The following GPHN variants were observed in gnomAD, a reference collection of about 807,000 sequenced individuals.
GPHN encodes the protein gephyrin.
Under a neutral mutation model 95.5 loss-of-function variants are expected in GPHN, and 17 were observed. The observed-to-expected ratio is 0.18, with a 90% CI of 0.12 to 0.27. The LOEUF is 0.27. Ranked by LOEUF, GPHN falls within the 10% of genes least tolerant of loss-of-function variation. The probability of loss-of-function intolerance (pLI) is 1.00; values close to 1 mark genes in which losing one functional copy is unlikely to be tolerated. For synonymous variants in GPHN, 320 were observed against 322.5 expected (o/e 0.99, Z 0.08); for missense variants, 660 against 978.1 (o/e 0.67, Z 4.34).
At chr14:66,663,801 T>C (rs2065792754) in intron 1 of GPHN, among the ~76,000 whole-genome samples, 1 of 149,920 alleles carries the variant, frequency 6.7e-6, no homozygotes, top group African/African-American at 2.5e-5. Context: ...ACAAAGCAAA[T>C]GGAAAACAGA....
the GPHN span, chr14:67,254,182 C>CTTTTTTTTT: frequency 2.5e-5 from 3 of 118,542 alleles, no homozygotes; most frequent in Non-Finnish European, 5.5e-5. Context: ...AAGTGTCTTT[C>CTTTTTTTTT]TTTTTTTTTT....
chr14:67,637,118 A>G, the GPHN span, among the ~76,000 whole-genome samples: 1 of 152,298 alleles, frequency 6.6e-6, no homozygotes, highest in East Asian at 1.9e-4. Flanking sequence ...TGATAAAGAA[A>G]TAGCTTTAAG....
At chr14:67,639,590 G>T in the GPHN span, among the ~76,000 whole-genome samples, 2 of 152,074 alleles carry the variant, frequency 1.3e-5, no homozygotes, top group East Asian at 3.9e-4. Context: ...TAAACATGGA[G>T]GTGAAAGTAG....
chr14:67,650,559 G>C, the GPHN span: 2 of 549,804 alleles, frequency 3.6e-6, no homozygotes, highest in Non-Finnish European at 3.0e-6. Flanking sequence ...ATGGCCAAGA[G>C]GATGAGGTGC....
At chr14:66,869,214 G>A (rs1158796684) in intron 4 of GPHN, among the ~76,000 whole-genome samples, 1 of 152,148 alleles carries the variant, frequency 6.6e-6, no homozygotes, top group Non-Finnish European at 1.5e-5. Flanking sequence ...ATAATGAACA[G>A]TCTGTTAATA....
chr14:67,364,707 A>T, the GPHN span: 2 of 1,356,946 alleles, frequency 1.5e-6, no homozygotes, highest in Non-Finnish European at 2.0e-6. Context: ...GTGGAAATTG[A>T]TTTTTTTTTT....
intron 4 of GPHN, among the ~76,000 whole-genome samples, chr14:66,853,636 AC>A (rs1368841183): frequency 6.6e-6 from 1 of 152,048 alleles, no homozygotes; most frequent in Non-Finnish European, 1.5e-5. Context: ...TGGGGGAAGC[AC>A]CCCCATGATT....
intron 2 of GPHN, among the ~76,000 whole-genome samples, chr14:66,745,501 A>T (rs1412661671): frequency 6.6e-6 from 1 of 152,116 alleles, no homozygotes; most frequent in Admixed American, 6.5e-5. Context: ...AATATTATTT[A>T]TAGATTTTTT....
At chr14:67,504,793 G>A in the GPHN span, among the ~76,000 whole-genome samples, 2 of 152,258 alleles carry the variant, frequency 1.3e-5, no homozygotes, top group Admixed American at 1.3e-4. Context: ...TCTGAGGCAG[G>A]AGAATCTCTT....
At chr14:67,581,979 T>C in the GPHN span, 7 of 1,300,590 alleles carry the variant, frequency 5.4e-6, no homozygotes, top group Non-Finnish European at 7.4e-6. Context: ...TACTTTATCT[T>C]TTTGGAAATA....
chr14:67,662,946 T>G, the GPHN span: 2 of 1,322,992 alleles, frequency 1.5e-6, no homozygotes, highest in Non-Finnish European at 1.9e-6. Flanking sequence ...AGTGACTCTC[T>G]GAAACCCCTC....
chr14:66,683,367 T>TATGTTC (rs1555379497), intron 2 of GPHN, among the ~76,000 whole-genome samples: 2 of 18,910 alleles, frequency 1.1e-4, no homozygotes, highest in African/African-American at 3.3e-4. Flanking sequence ...TATATATATA[T>TATGTTC]ATATATATAT....
the GPHN span, among the ~76,000 whole-genome samples, chr14:67,219,520 A>ACAT: frequency 2.0e-5 from 3 of 152,188 alleles, no homozygotes; most frequent in South Asian, 2.1e-4. Context: ...CATCTTGCTG[A>ACAT]CATCACTCCC....
intron 18 of GPHN, among the ~76,000 whole-genome samples, chr14:67,147,568 A>T (rs561126817): frequency 3.9e-5 from 6 of 151,978 alleles, no homozygotes; most frequent in Non-Finnish European, 5.9e-5. Flanking sequence ...ACAAAGTCTC[A>T]CTCTGTCACC....
At chr14:67,593,695 G>T in the GPHN span, 2 of 1,110,018 alleles carry the variant, frequency 1.8e-6, no homozygotes, top group Non-Finnish European at 2.8e-6. Flanking sequence ...CCATGGGCTG[G>T]CTACCTCCTC....
chr14:66,747,233 G>T (rs1365298541), intron 2 of GPHN, among the ~76,000 whole-genome samples: 1 of 152,036 alleles, frequency 6.6e-6, no homozygotes, highest in Non-Finnish European at 1.5e-5. Flanking sequence ...AGAGAGTCTG[G>T]TCTTATTTCA....
At chr14:67,654,490 C>T in the GPHN span, among the ~76,000 whole-genome samples, 1 of 152,158 alleles carries the variant, frequency 6.6e-6, no homozygotes, top group Non-Finnish European at 1.5e-5. Flanking sequence ...CCAAAACCCA[C>T]ACAATCTGTA....
chr14:67,691,074 G>C, the GPHN span: 1 of 1,008,976 alleles, frequency 9.9e-7, no homozygotes, highest in East Asian at 2.4e-5. Context: ...GCCTCAATCT[G>C]ACCCCTAAGT....
chr14:67,279,568 A>G, the GPHN span: 1 of 1,499,342 alleles, frequency 6.7e-7, no homozygotes, highest in African/African-American at 1.4e-5. Flanking sequence ...AACAGAAAAC[A>G]TTTTGCTTTA....
Sources: gnomAD v4.1 joint callset for allele counts (sites outside exome capture counted in the v4.1 genomes callset) on GRCh38, gnomAD v4.1.1 for gene constraint, MANE v1.5 for transcripts, NCBI Gene and HGNC (gene_info 2026-07-23, HGNC 2026-07-21) for gene names.